The following HEMK2 variants were observed in gnomAD, a reference collection of about 807,000 sequenced individuals.
HEMK2 encodes the protein HemK methyltransferase 2, ETF1 glutamine and histone H4 lysine, also known as methyltransferase HEMK2.
the HEMK2 span, among the ~76,000 whole-genome samples, chr21:28,840,466 C>T: frequency 6.6e-6 from 1 of 152,138 alleles, no homozygotes; most frequent in Non-Finnish European, 1.5e-5. Flanking sequence ...ATCGATACAT[C>T]TGACAAAGGA....
the HEMK2 span, among the ~76,000 whole-genome samples, chr21:28,633,389 C>G: frequency 1.3e-5 from 2 of 152,150 alleles, no homozygotes; most frequent in Non-Finnish European, 2.9e-5. Context: ...ATCTTAAACT[C>G]CTACTTAGGT....
At chr21:28,810,051 G>A in the HEMK2 span, among the ~76,000 whole-genome samples, 1 of 152,140 alleles carries the variant, frequency 6.6e-6, no homozygotes, top group South Asian at 2.1e-4. Flanking sequence ...AGCCTCCATG[G>A]CCATGGAGTA....
the HEMK2 span, among the ~76,000 whole-genome samples, chr21:28,579,609 A>G: frequency 6.6e-6 from 1 of 152,296 alleles, no homozygotes; most frequent in Middle Eastern, 3.4e-3. Context: ...TTTAAATAAT[A>G]TATATTTAAG....
chr21:28,716,354 C>A, the HEMK2 span, among the ~76,000 whole-genome samples: 27 of 152,108 alleles, frequency 1.8e-4, no homozygotes, highest in Non-Finnish European at 3.7e-4. Context: ...CCCTCCTTGA[C>A]TAGATGTATT....
the HEMK2 span, among the ~76,000 whole-genome samples, chr21:28,601,301 C>G: frequency 6.6e-6 from 1 of 152,184 alleles, no homozygotes; most frequent in Non-Finnish European, 1.5e-5. Context: ...ATTTACTAAG[C>G]CAGTAGCATC....
the HEMK2 span, among the ~76,000 whole-genome samples, chr21:28,770,040 G>A: frequency 1.3e-5 from 2 of 152,136 alleles, no homozygotes; most frequent in African/African-American, 4.8e-5. Context: ...AGTAGTTACT[G>A]TCTGAGAGCT....
At chr21:28,638,628 T>C in the HEMK2 span, among the ~76,000 whole-genome samples, 3 of 152,194 alleles carry the variant, frequency 2.0e-5, no homozygotes, top group South Asian at 2.1e-4. Flanking sequence ...AGTTAGCTCA[T>C]GATCCTGAGG....
At chr21:28,866,957 A>G in the HEMK2 span, among the ~76,000 whole-genome samples, 1 of 152,226 alleles carries the variant, frequency 6.6e-6, no homozygotes, top group Non-Finnish European at 1.5e-5. Flanking sequence ...TTAGGAAAAT[A>G]TAAATCAATA....
chr21:28,791,758 C>G, the HEMK2 span, among the ~76,000 whole-genome samples: 1 of 152,114 alleles, frequency 6.6e-6, no homozygotes, highest in African/African-American at 2.4e-5. Flanking sequence ...GGCCAATCCA[C>G]TGTGCCCAAA....
the HEMK2 span, among the ~76,000 whole-genome samples, chr21:28,838,972 A>AAAAAAATATATATAT: frequency 1.7e-4 from 5 of 29,156 alleles, no homozygotes; most frequent in African/African-American, 3.9e-4. Flanking sequence ...AAAAAAAAAA[A>AAAAAAATATATATAT]ATATATATAT....
At chr21:28,732,074 T>C in the HEMK2 span, among the ~76,000 whole-genome samples, 1 of 152,244 alleles carries the variant, frequency 6.6e-6, no homozygotes, top group Non-Finnish European at 1.5e-5. Context: ...CAGCCTCTCC[T>C]GCCGTTTTGT....
the HEMK2 span, among the ~76,000 whole-genome samples, chr21:28,725,510 C>G: frequency 6.6e-6 from 1 of 152,166 alleles, no homozygotes; most frequent in Non-Finnish European, 1.5e-5. Context: ...TTGATGAAAT[C>G]TCAGGCATTT....
chr21:28,577,634 A>C, the HEMK2 span, among the ~76,000 whole-genome samples: 2 of 152,234 alleles, frequency 1.3e-5, no homozygotes, highest in Non-Finnish European at 2.9e-5. Context: ...GCCAGATAAA[A>C]TGCAGGTTTC....
At chr21:28,589,023 T>C in the HEMK2 span, among the ~76,000 whole-genome samples, 1 of 149,168 alleles carries the variant, frequency 6.7e-6, no homozygotes, top group African/African-American at 2.5e-5. Context: ...TACAAAATCA[T>C]CTCAAATTAC....
At chr21:28,642,382 G>C in the HEMK2 span, among the ~76,000 whole-genome samples, 1 of 152,206 alleles carries the variant, frequency 6.6e-6, no homozygotes, top group Non-Finnish European at 1.5e-5. Context: ...AAGCAAGTAA[G>C]TGTGGGAACC....
the HEMK2 span, among the ~76,000 whole-genome samples, chr21:28,805,158 T>C: frequency 6.6e-6 from 1 of 152,196 alleles, no homozygotes; most frequent in African/African-American, 2.4e-5. Context: ...CAGGGAGAGC[T>C]GGATATTCAA....
At chr21:28,659,217 A>G in the HEMK2 span, among the ~76,000 whole-genome samples, 15 of 152,128 alleles carry the variant, frequency 9.9e-5, no homozygotes, top group Non-Finnish European at 1.2e-4. Context: ...TTTATTCAAT[A>G]AAGAAATTTG....
chr21:28,796,274 G>A, the HEMK2 span, among the ~76,000 whole-genome samples: 2 of 152,048 alleles, frequency 1.3e-5, no homozygotes, highest in Admixed American at 6.6e-5. Flanking sequence ...GAGTAGCTGG[G>A]ATTTATAGGT....
chr21:28,673,224 G>A, the HEMK2 span, among the ~76,000 whole-genome samples: 5 of 151,682 alleles, frequency 3.3e-5, no homozygotes, highest in East Asian at 1.9e-4. Flanking sequence ...GGATGAAAGG[G>A]GGAAGAAAGA....
Sources: gnomAD v4.1 joint callset for allele counts (sites outside exome capture counted in the v4.1 genomes callset) on GRCh38, gnomAD v4.1.1 for gene constraint, MANE v1.5 for transcripts, NCBI Gene and HGNC (gene_info 2026-07-23, HGNC 2026-07-21) for gene names.